Variants in DAAM1 observed in about 807,000 individuals in gnomAD.
DAAM1 encodes dishevelled associated activator of morphogenesis 1.
DAAM1 carries 52 observed loss-of-function variants against 130.0 expected under a neutral mutation model. That is an observed-to-expected ratio of 0.40 (90% confidence interval 0.32 to 0.50). The LOEUF (loss-of-function observed/expected upper bound fraction) is 0.50. Among genes scored for constraint, DAAM1 ranks in the 20% least tolerant of loss-of-function variants. The probability of loss-of-function intolerance (pLI) is 0.61; values close to 1 mark genes in which losing one functional copy is unlikely to be tolerated. For missense variants in DAAM1, 1,134 were observed against 1,303.8 expected (o/e 0.87, Z 2.01); for synonymous variants, 452 against 444.5 (o/e 1.02, Z -0.21).
chr14:59,261,863 T>A (rs1882171865), intron 1 of DAAM1, among the ~76,000 whole-genome samples: 1 of 152,204 alleles, frequency 6.6e-6, no homozygotes, highest in Non-Finnish European at 1.5e-5. Flanking sequence ...AAGGAAGGCA[T>A]CTGTTTTCTC....
chr14:59,325,505 TAGAA>T (rs535344421), intron 8 of DAAM1, among the ~76,000 whole-genome samples, 155 bp from the exon 9 acceptor site: 13 of 152,356 alleles, frequency 8.5e-5, no homozygotes, highest in Non-Finnish European at 1.0e-4. Context: ...CTTTTTTTCT[TAGAA>T]AGAACAAAGT....
At chr14:59,314,048 C>G (rs1418586558) in intron 3 of DAAM1, among the ~76,000 whole-genome samples, 1 of 152,192 alleles carries the variant, frequency 6.6e-6, no homozygotes, top group Non-Finnish European at 1.5e-5. Flanking sequence ...AATTGCATTT[C>G]TTTTATTCCA....
intron 1 of DAAM1, among the ~76,000 whole-genome samples, chr14:59,242,748 CAG>C (rs1405710764): frequency 1.3e-5 from 2 of 152,078 alleles, no homozygotes; most frequent in Non-Finnish European, 2.9e-5. Flanking sequence ...TTAGTAGAAA[CAG>C]GGTTTCACCG....
Position 59,360,805 on chromosome 14 carries a change from G to A in DAAM1, c.2637G>A (p.Met879Ile). The A allele has an allele frequency of 6.2e-7, 1 of 1,613,660 alleles. No individual in the cohort carries two copies. Among genetic ancestry groups the A allele is most frequent in the Non-Finnish European group, 8.5e-7 (1 of 1,179,782 alleles). The change falls in exon 22 of 25, where the codon ATG (methionine) becomes ATA (isoleucine). Residue 879 changes from methionine to isoleucine, a missense_variant. Around this residue, in one of 3 missense-constraint regions of DAAM1, gnomAD observed 644 missense variants for 695.9 expected, o/e 0.93. Transcript: ENST00000360909. ...AAAACATTGCTATTTACAACAGCAT[G>A]ACTGAGCTGGACAAAGAAATAAGTA... ...RDIPQAAKVN[M>I]TELDKEISTL...
At chr14:59,196,318 T>G (rs1365989732) in intron 1 of DAAM1, among the ~76,000 whole-genome samples, 1 of 152,246 alleles carries the variant, frequency 6.6e-6, no homozygotes, top group Non-Finnish European at 1.5e-5. Flanking sequence ...AGCTTAAATT[T>G]GTATTAGTTT....
In DAAM1 at chr14:59,242,453, T is replaced by C. The variant is rs570611745; in HGVS notation, c.-37-20988T>C. 2.4e-4 allele frequency among the ~76,000 whole-genome samples: 36 copies of C among 152,342 alleles called. 1 individual carries two copies. The South Asian group carries it at 7.5e-3, about 32-fold the overall frequency. On this transcript the variant is annotated intron_variant, in intron 1 of 24. Transcript: ENST00000360909. Reference sequence around the variant, plus strand: ...TTGCCAATCAAGTCACTCCATCCCCTGGACAGTGACTGATCTCTTATAGAA... The same window carrying C: ...TTGCCAATCAAGTCACTCCATCCCCCGGACAGTGACTGATCTCTTATAGAA...
At chr14:59,220,574 T>C (rs901599965) in intron 1 of DAAM1, among the ~76,000 whole-genome samples, 3 of 152,268 alleles carry the variant, frequency 2.0e-5, no homozygotes, top group African/African-American at 7.2e-5. Context: ...AGGGGATTTA[T>C]TGTAGGAAGG....
At chr14:59,270,332 GAA>G (rs755705096) in intron 2 of DAAM1, among the ~76,000 whole-genome samples, 10 of 152,234 alleles carry the variant, frequency 6.6e-5, no homozygotes, top group Non-Finnish European at 1.0e-4. Context: ...TGGAGGCAAA[GAA>G]AAGTCTGCAT....
In DAAM1 at chr14:59,263,680, C is replaced by G. The variant is rs766375260; in HGVS notation, c.183+20C>G. On this transcript the variant is annotated intron_variant, in intron 2 of 24. Coordinates refer to ENST00000360909, the MANE Select transcript of DAAM1 (RefSeq NM_001270520.2). ...CTGGTGGTGAGTCCCAGTTTTCTATCCTGGCATTGGTGGGGAGCCAGAGAA... is the reference window on the plus strand; with the variant it reads ...CTGGTGGTGAGTCCCAGTTTTCTATGCTGGCATTGGTGGGGAGCCAGAGAA... The G allele has an allele frequency of 9.5e-5, 153 of 1,611,670 alleles. 1 individual carries two copies. In the South Asian group the frequency reaches 1.6e-3, roughly 17 times the overall value.
chr14:59,201,541 G>A (rs1888104421), intron 1 of DAAM1, among the ~76,000 whole-genome samples: 1 of 152,038 alleles, frequency 6.6e-6, no homozygotes, highest in African/African-American at 2.4e-5. Flanking sequence ...GCTTGAACCT[G>A]GGAGGTGGAG....
chr14:59,248,040 T>C (rs1881470138), intron 1 of DAAM1, among the ~76,000 whole-genome samples: 1 of 152,222 alleles, frequency 6.6e-6, no homozygotes, highest in Non-Finnish European at 1.5e-5. Flanking sequence ...CCTCAGAATC[T>C]GAAGTCTAAA....
chr14:59,358,625 C>T (rs1886579595), intron 20 of DAAM1, among the ~76,000 whole-genome samples: 1 of 152,052 alleles, frequency 6.6e-6, no homozygotes, highest in African/African-American at 2.4e-5. Flanking sequence ...GGTGGATCAC[C>T]TGAGGTCAGG....
At chr14:59,336,996 C>T (rs1203904747) in intron 15 of DAAM1, among the ~76,000 whole-genome samples, 1 of 152,144 alleles carries the variant, frequency 6.6e-6, no homozygotes, top group Non-Finnish European at 1.5e-5. Flanking sequence ...CCTGATTCCA[C>T]AGGCCTCTAC....
chr14:59,220,734 G>A (rs979664894), intron 1 of DAAM1, among the ~76,000 whole-genome samples: 3 of 152,176 alleles, frequency 2.0e-5, no homozygotes, highest in African/African-American at 7.2e-5. Context: ...TACTGCTGGT[G>A]TGAGTACCAG....
Position 59,359,437 on chromosome 14 carries a change from A to C in DAAM1, c.2566A>C (p.Asn856His), listed in dbSNP as rs1258603996. The C allele has an allele frequency of 1.2e-6, 2 of 1,613,940 alleles. No individual in the cohort carries two copies. The highest frequency in any genetic ancestry group is 1.7e-6 in the Non-Finnish European group (2 of 1,179,894). The change falls in exon 21 of 25, where the codon AAT becomes CAT. Residue 856 changes from asparagine (N) to histidine (H), a missense_variant. Coordinates refer to ENST00000360909, the MANE Select transcript of DAAM1 (RefSeq NM_001270520.2). ...LLHYLITIVE[N>H]KYPSVLNLNE... ...GCACTATCTCATCACTATTGTGGAA[A>C]ATAAGTACCCCAGTGTTCTCAATCT...
chr14:59,359,648 T>C (rs1276761198), intron 21 of DAAM1, 144 bp downstream of exon 21: 4 of 620,774 alleles, frequency 6.4e-6, no homozygotes, highest in Non-Finnish European at 1.1e-5. Context: ...CTCATCCAAG[T>C]CACTCAAATG....
rs200253833 is a variant in DAAM1, at chr14:59,309,256, C to G, written c.274-6024C>G. Among the ~76,000 whole-genome samples, 8 of 152,242 alleles carry G rather than the reference C, an allele frequency of 5.3e-5. No individual in the cohort carries two copies. The East Asian group carries it at 1.5e-3, about 29-fold the overall frequency. On this transcript the variant is annotated intron_variant, in intron 3 of 24. Coordinates refer to ENST00000360909, the MANE Select transcript of DAAM1 (RefSeq NM_001270520.2). ...ATTTAAAGGACCTAATGATGCTTTG[C>G]TATTTTCAAAAAGTAGGATTAAATA...
intron 1 of DAAM1, among the ~76,000 whole-genome samples, chr14:59,238,719 T>C (rs1376748554): frequency 6.6e-6 from 1 of 152,222 alleles, no homozygotes; most frequent in African/African-American, 2.4e-5. Context: ...AGTAAAGCTG[T>C]AACTGACCTA....
At position 59,369,441 on chromosome 14, in the gene DAAM1, T is replaced by C. The variant is rs1278554382; in HGVS notation, c.*582T>C. On this transcript the variant is annotated 3_prime_UTR_variant, in exon 25 of 25. Coordinates refer to ENST00000360909, the MANE Select transcript of DAAM1 (RefSeq NM_001270520.2). Reference sequence around the variant, plus strand: ...TTCTGACATTGGTGTGGGGATACAGTCTGTAAATGTTTATTGAGAACATCT... The same window carrying C: ...TTCTGACATTGGTGTGGGGATACAGCCTGTAAATGTTTATTGAGAACATCT... The C allele has an allele frequency of 6.6e-6, 1 of 152,612 alleles. No individual in the cohort carries two copies. The highest frequency in any genetic ancestry group is 1.5e-5 in the Non-Finnish European group (1 of 68,022). The allele number at this position is 152,612 out of a possible 1,614,324, so 9.5% of individuals were successfully genotyped here. A position where few individuals can be genotyped will look rare whatever the true frequency, so the allele number is the denominator to read the frequency against.
Sources: gnomAD v4.1 joint callset for allele counts (sites outside exome capture counted in the v4.1 genomes callset) on GRCh38, gnomAD v4.1.1 for gene constraint, gnomAD v4.1.1 regional missense constraint, MANE v1.5 for transcripts, NCBI Gene and HGNC (gene_info 2026-07-23, HGNC 2026-07-21) for gene names.